Variants in AFF3 observed in about 807,000 individuals in gnomAD.
AFF3 encodes ALF transcription elongation factor 3.
Under a neutral mutation model 129.7 loss-of-function variants are expected in AFF3, and 32 were observed. The observed-to-expected ratio is 0.25, with a 90% CI of 0.19 to 0.33. The LOEUF is 0.33. Ranked by LOEUF, AFF3 falls within the 10% of genes least tolerant of loss-of-function variation. AFF3 has a pLI of 1.00. For synonymous variants in AFF3, 644 were observed against 635.4 expected, an observed-to-expected ratio of 1.01 and a Z score of -0.20; for missense variants, 1,373 against 1,592.0, an observed-to-expected ratio of 0.86 and a Z score of 2.34.
At chr2:99,693,248 T>A (rs567324714) in intron 11 of AFF3, among the ~76,000 whole-genome samples, 1 of 152,242 alleles carries the variant, frequency 6.6e-6, no homozygotes, top group Non-Finnish European at 1.5e-5. Context: ...CATTAACTAA[T>A]AGTAACATTA....
intron 8 of AFF3, among the ~76,000 whole-genome samples, chr2:99,805,295 A>G (rs1686252020): frequency 6.6e-5 from 10 of 152,266 alleles, no homozygotes; most frequent in Admixed American, 5.9e-4. Flanking sequence ...AGAAACATTC[A>G]CCTCTCTTCG....
chr2:100,070,990 G>T lies in AFF3; in HGVS notation c.53+33412C>A, dbSNP rs565826219. Among the ~76,000 whole-genome samples, 64 of 152,166 alleles carry T rather than the reference G, an allele frequency of 4.2e-4. 1 individual carries two copies. The highest frequency in any genetic ancestry group is 3.4e-3 in the Middle Eastern group (1 of 294). On this transcript the variant is annotated intron_variant, in intron 4 of 24. Transcript: ENST00000672756. ...GTTTCTGGTTTTCAGTATTAAAATT[G>T]CTGATAGGAATGAACATTTTGTAAT...
At chr2:99,790,653 T>C (rs1685129749) in intron 8 of AFF3, among the ~76,000 whole-genome samples, 1 of 152,216 alleles carries the variant, frequency 6.6e-6, no homozygotes, top group African/African-American at 2.4e-5. Context: ...AGTGGGTAGA[T>C]GCCAGGGGTA....
intron 11 of AFF3, among the ~76,000 whole-genome samples, chr2:99,686,339 T>C (rs1388604384): frequency 1.3e-5 from 2 of 152,166 alleles, no homozygotes; most frequent in African/African-American, 4.8e-5. Flanking sequence ...GTGAAGGAAG[T>C]TGAGTTTACC....
chr2:99,713,115 G>C (rs1678049124), intron 11 of AFF3, among the ~76,000 whole-genome samples: 1 of 152,168 alleles, frequency 6.6e-6, no homozygotes, highest in Non-Finnish European at 1.5e-5. Flanking sequence ...AATGGGCACA[G>C]AGTTTCAGTT....
rs188700696 is a variant in AFF3, at chr2:100,067,843, T to C, written c.53+36559A>G. On this transcript the variant is annotated intron_variant, in intron 4 of 24. Coordinates refer to ENST00000672756, the MANE Select transcript of AFF3 (RefSeq NM_001386135.1). ...GACATGAATTTGGGTCTCCAAACTCTCTGCTAACTAAATAATGGCCCAGAA... is the reference window on the plus strand; with the variant it reads ...GACATGAATTTGGGTCTCCAAACTCCCTGCTAACTAAATAATGGCCCAGAA... 4.3e-3 allele frequency among the ~76,000 whole-genome samples: 648 copies of C among 152,286 alleles called. 13 individuals are homozygous for C. Among genetic ancestry groups the C allele is most frequent in the Admixed American group, 0.038 (575 of 15,300 alleles).
intron 4 of AFF3, among the ~76,000 whole-genome samples, chr2:100,026,017 A>G (rs972089134): frequency 1.3e-5 from 2 of 152,250 alleles, no homozygotes; most frequent in Admixed American, 6.5e-5. Flanking sequence ...AGAACCCAAA[A>G]GCAAATGCAA....
chr2:100,061,784 T>C (rs1559096972), intron 4 of AFF3, among the ~76,000 whole-genome samples: 1 of 151,768 alleles, frequency 6.6e-6, no homozygotes, highest in Non-Finnish European at 1.5e-5. Context: ...AATTTTGTTT[T>C]TCTTTGAGGG....
chr2:99,705,224 G>A lies in AFF3; in HGVS notation c.1091+21853C>T, dbSNP rs570577429. ...CAGATGCTGGGAACCAGCTGTGAGG[G>A]AGGAAGGGCTGGTGAGAAATTAAAG... is the stretch of plus-strand genomic sequence containing the variant. On this transcript the variant is annotated intron_variant, in intron 11 of 24. Coordinates refer to ENST00000672756, the MANE Select transcript of AFF3 (RefSeq NM_001386135.1). 1.2e-3 allele frequency among the ~76,000 whole-genome samples: 177 copies of A among 152,354 alleles called. 1 individual carries two copies. Among genetic ancestry groups the A allele is most frequent in the South Asian group, 3.5e-3 (17 of 4,822 alleles).
chr2:99,759,788 T>G (rs1682430547), intron 8 of AFF3, among the ~76,000 whole-genome samples: 1 of 152,234 alleles, frequency 6.6e-6, no homozygotes, highest in Admixed American at 6.5e-5. Context: ...ATAAGATTGA[T>G]TATCCATTAC....
At chr2:99,735,852 C>G (rs1250676899) in intron 10 of AFF3, among the ~76,000 whole-genome samples, 1 of 152,164 alleles carries the variant, frequency 6.6e-6, no homozygotes, top group African/African-American at 2.4e-5. Context: ...GTTTCTTCCT[C>G]CAGTTTTAAT....
intron 4 of AFF3, among the ~76,000 whole-genome samples, chr2:100,010,581 C>T (rs1249336420): frequency 6.6e-6 from 1 of 152,176 alleles, no homozygotes; most frequent in Non-Finnish European, 1.5e-5. Flanking sequence ...GGAGTCCAAC[C>T]AGTGACCTTC....
intron 2 of AFF3, among the ~76,000 whole-genome samples, chr2:100,114,339 C>T (rs564267725): frequency 1.3e-5 from 2 of 152,158 alleles, no homozygotes; most frequent in African/African-American, 2.4e-5. Flanking sequence ...TCTAAGGGTA[C>T]GGCCCTGTGT....
At chr2:99,672,757 G>T (rs1687277233) in intron 11 of AFF3, among the ~76,000 whole-genome samples, 168 bp from the exon 12 acceptor site, 1 of 151,960 alleles carries the variant, frequency 6.6e-6, no homozygotes, top group Non-Finnish European at 1.5e-5. Context: ...TTCCTCTGGT[G>T]CACTTAGGAA....
chr2:99,647,307 A>G (rs1408976384), intron 13 of AFF3, among the ~76,000 whole-genome samples: 1 of 152,252 alleles, frequency 6.6e-6, no homozygotes, highest in Non-Finnish European at 1.5e-5. Flanking sequence ...ATGCCATGAA[A>G]TACTATACAG....
intron 13 of AFF3, among the ~76,000 whole-genome samples, chr2:99,635,380 C>T (rs1445395698): frequency 6.6e-6 from 1 of 152,094 alleles, no homozygotes; most frequent in Non-Finnish European, 1.5e-5. Context: ...TCACTGTAAC[C>T]TCTGCCTCCT....
intron 11 of AFF3, among the ~76,000 whole-genome samples, chr2:99,691,171 C>T (rs1558752012): frequency 6.6e-6 from 1 of 152,064 alleles, no homozygotes; most frequent in Non-Finnish European, 1.5e-5. Flanking sequence ...CAATGCATTC[C>T]CTGTTCCAGA....
chr2:99,853,458 A>G (rs1690291451), intron 7 of AFF3, among the ~76,000 whole-genome samples: 1 of 152,218 alleles, frequency 6.6e-6, no homozygotes, highest in African/African-American at 2.4e-5. Context: ...AGATGACTCT[A>G]TATAAATTGT....
rs530859738 is a variant in AFF3 at position 99,841,115 on chromosome 2, T to C, written c.874-3591A>G. Reference sequence around the variant, plus strand: ...CTACAAATACTCTTAAAATTAAACTTCGGGTTTAATTCCTTAAAGCTAAGC... The same window carrying C: ...CTACAAATACTCTTAAAATTAAACTCCGGGTTTAATTCCTTAAAGCTAAGC... On this transcript the variant is annotated intron_variant, in intron 7 of 24. Transcript: ENST00000672756. 8.5e-5 allele frequency among the ~76,000 whole-genome samples: 13 copies of C among 152,308 alleles called. No homozygotes were observed. The South Asian group carries it at 1.5e-3, about 17-fold the overall frequency.
Sources: allele counts gnomAD v4.1 joint callset (sites outside exome capture counted in the v4.1 genomes callset), GRCh38; gene constraint gnomAD v4.1.1; transcripts MANE v1.5; gene names NCBI Gene and HGNC (gene_info 2026-07-23, HGNC 2026-07-21).